The following SERINC5 variants were observed in gnomAD, a reference collection of about 807,000 sequenced individuals.
SERINC5 encodes chromosome 5 open reading frame 12.
A neutral mutation model predicts 63.1 loss-of-function variants in SERINC5; 41 were observed. That is an observed-to-expected ratio of 0.65 (90% CI 0.51 to 0.84). The LOEUF (loss-of-function observed/expected upper bound fraction) is 0.84, where lower values mean the gene tolerates loss of function less well. Among genes scored for constraint, SERINC5 ranks in the 40% least tolerant of loss-of-function variants. SERINC5 has a pLI of 0.00. For synonymous variants in SERINC5, 222 were observed against 215.2 expected (o/e 1.03, Z -0.28); for missense variants, 523 against 573.0 (o/e 0.91, Z 0.89).
At chr5:80,219,200 C>G (rs1007336807) in intron 1 of SERINC5, among the ~76,000 whole-genome samples, 2 of 152,180 alleles carry the variant, frequency 1.3e-5, no homozygotes, top group South Asian at 2.1e-4. Flanking sequence ...CCTCTCAAGA[C>G]GCATGTCCCT....
intron 12 of SERINC5, chr5:80,111,822 A>G (rs1744121460): frequency 6.6e-6 from 1 of 152,248 alleles, no homozygotes; most frequent in African/African-American, 2.4e-5. Context: ...TTGCCTTGAG[A>G]TGCTGTTAAT....
intron 5 of SERINC5, among the ~76,000 whole-genome samples, chr5:80,173,210 AAAGGCAGG>A (rs1747773869): frequency 2.1e-5 from 3 of 146,134 alleles, no homozygotes; most frequent in African/African-American, 7.6e-5. Flanking sequence ...AAGGAAGAGG[AAAGGCAGG>A]AAGGAAAGAA....
intron 7 of SERINC5, among the ~76,000 whole-genome samples, chr5:80,165,569 G>A (rs557102533): frequency 2.6e-5 from 4 of 152,206 alleles, no homozygotes; most frequent in Admixed American, 2.0e-4. Context: ...TATAAACCAG[G>A]CAGTCCGACT....
chr5:80,184,752 G>GA (rs1236312225), intron 2 of SERINC5, among the ~76,000 whole-genome samples: 6 of 152,188 alleles, frequency 3.9e-5, no homozygotes, highest in African/African-American at 1.4e-4. Context: ...TTTGGAAAAA[G>GA]AAAAAATACA....
chr5:80,177,824 T>A (rs1191390044), intron 3 of SERINC5, 62 bp downstream of exon 3: 1 of 1,313,544 alleles, frequency 7.6e-7, no homozygotes. Context: ...GATGGGATCC[T>A]GGACTACTGT....
chr5:80,244,941 A>C (rs948202516), intron 1 of SERINC5, among the ~76,000 whole-genome samples: 2 of 152,180 alleles, frequency 1.3e-5, no homozygotes, highest in Non-Finnish European at 2.9e-5. Context: ...CTCCCACCTC[A>C]GCCTCCAGAC....
At chr5:80,238,944 G>C (rs188341227) in intron 1 of SERINC5, among the ~76,000 whole-genome samples, 201 of 152,238 alleles carry the variant, frequency 1.3e-3, no homozygotes, top group African/African-American at 4.7e-3. Flanking sequence ...TCACGCTCTC[G>C]TCATTTACCA....
chr5:80,182,551 C>G lies in SERINC5; in HGVS notation c.196-4487G>C, dbSNP rs987601225. On this transcript the variant is annotated intron_variant, in intron 2 of 11. Transcript: ENST00000507668. ...AGCTTCTATCATCTGACCGCCCCCC[C>G]CCCCTCCGCTTTTTTTTAATTGAGA... Among the ~76,000 whole-genome samples the G allele has an allele frequency of 8.1e-3, 404 of 49,662 alleles. 15 individuals are homozygous for G. Among genetic ancestry groups the G allele is most frequent in the Middle Eastern group, 0.036 (5 of 140 alleles). 32.6% of individuals were successfully genotyped at this position (49,662 alleles called of 152,430 possible). A position where few individuals can be genotyped will look rare whatever the true frequency, so the allele number is the denominator to read the frequency against.
intron 1 of SERINC5, among the ~76,000 whole-genome samples, chr5:80,213,245 C>CAAAAAAAA (rs57289084): frequency 4.5e-5 from 6 of 132,682 alleles, no homozygotes; most frequent in East Asian, 2.2e-4. Flanking sequence ...GACTGCATCT[C>CAAAAAAAA]AAAGAAAGAA....
chr5:80,177,828 C>CAG, intron 3 of SERINC5, 58 bp downstream of exon 3: 1 of 1,350,578 alleles, frequency 7.4e-7, no homozygotes. Context: ...GGATCCTGGA[C>CAG]TACTGTCCTG....
Position 80,140,722 on chromosome 5 carries a change from C to A in SERINC5, c.*2941G>T. 1.0e-6 allele frequency: 1 copy of A among 985,166 alleles called. No individual in the cohort carries two copies. The highest frequency in any genetic ancestry group is 1.2e-6 in the Non-Finnish European group (1 of 829,852). 61.0% of individuals were successfully genotyped at this position (985,166 alleles called of 1,614,324 possible). On this transcript the variant is annotated 3_prime_UTR_variant, in exon 12 of 12. Transcript: ENST00000507668. Reference sequence around the variant, plus strand: ...CCGCGGTATGACACTCCCATAAGAACCCCCACCCCCCTGCCACCCACTTAG... The same window carrying A: ...CCGCGGTATGACACTCCCATAAGAAACCCCACCCCCCTGCCACCCACTTAG...
chr5:80,250,728 G>A (rs142721609), intron 1 of SERINC5, among the ~76,000 whole-genome samples: 261 of 152,244 alleles, frequency 1.7e-3, no homozygotes, highest in African/African-American at 6.1e-3. Context: ...CATTATAGGG[G>A]CATCAGTTGC....
chr5:80,178,448 G>A (rs1490888889), intron 2 of SERINC5, among the ~76,000 whole-genome samples: 1 of 137,682 alleles, frequency 7.3e-6, no homozygotes, highest in Non-Finnish European at 1.5e-5. Context: ...CTGCAGCCTC[G>A]ATCTTCCAGG....
chr5:80,113,842 C>G (rs1490661556), intron 11 of SERINC5, among the ~76,000 whole-genome samples: 3 of 151,952 alleles, frequency 2.0e-5, no homozygotes, highest in Non-Finnish European at 2.9e-5. Flanking sequence ...CACAGCCAAA[C>G]TATATCATGC....
intron 1 of SERINC5, among the ~76,000 whole-genome samples, chr5:80,250,137 T>C (rs961948345): frequency 5.9e-5 from 9 of 152,164 alleles, no homozygotes; most frequent in African/African-American, 1.9e-4. Context: ...AGAGGAAACA[T>C]CCTTGCAGTA....
chr5:80,123,078 C>T (rs891241581), intron 11 of SERINC5, among the ~76,000 whole-genome samples: 2 of 150,182 alleles, frequency 1.3e-5, no homozygotes, highest in African/African-American at 5.0e-5. Flanking sequence ...AAAACTAATA[C>T]ATTCTCTTAA....
At chr5:80,232,039 C>T (rs1227976140) in intron 1 of SERINC5, among the ~76,000 whole-genome samples, 1 of 143,142 alleles carries the variant, frequency 7.0e-6, no homozygotes, top group African/African-American at 2.6e-5. Context: ...GGGTTCAGGG[C>T]TGTAGTGAGC....
chr5:80,182,387 G>A lies in SERINC5; in HGVS notation c.196-4323C>T, dbSNP rs557839130. Among the ~76,000 whole-genome samples, 5 of 152,224 alleles carry A rather than the reference G, an allele frequency of 3.3e-5. No homozygotes were observed. In the South Asian group the frequency reaches 1.0e-3, roughly 32 times the overall value. On this transcript the variant is annotated intron_variant, in intron 2 of 11. Transcript: ENST00000507668. ...TGTTTTATACAAAAAATTTACATCT[G>A]TAGAGGAAATCTACATTAGTAAAGT...
At chr5:80,232,511 C>A (rs905058194) in intron 1 of SERINC5, among the ~76,000 whole-genome samples, 2 of 151,568 alleles carry the variant, frequency 1.3e-5, no homozygotes, top group African/African-American at 4.9e-5. Context: ...ACTGGCCAGG[C>A]ACAGTGGCTC....
Sources: gnomAD v4.1 joint callset for allele counts (sites outside exome capture counted in the v4.1 genomes callset) on GRCh38, gnomAD v4.1.1 for gene constraint, MANE v1.5 for transcripts, NCBI Gene and HGNC (gene_info 2026-07-23, HGNC 2026-07-21) for gene names.